ASTN2: variants seen among roughly 807,000 people sequenced by gnomAD.
ASTN2 encodes astrotactin 2, also known as astrotactin-2.
ASTN2 carries 54 observed loss-of-function variants against 139.8 expected under a neutral mutation model. The ratio of observed to expected loss-of-function variants is 0.39; its 90% CI spans 0.31 to 0.48. The LOEUF (loss-of-function observed/expected upper bound fraction) is 0.48. ASTN2 is among the 20% of genes least tolerant of loss of function. The probability of loss-of-function intolerance (pLI) is 0.95; values close to 1 mark genes in which losing one functional copy is unlikely to be tolerated. For synonymous variants in ASTN2, 756 were observed against 719.5 expected, an observed-to-expected ratio of 1.05 and a Z score of -0.81; for missense variants, 1,565 against 1,725.1, an observed-to-expected ratio of 0.91 and a Z score of 1.64.
intron 3 of ASTN2, among the ~76,000 whole-genome samples, chr9:117,162,069 A>G (rs537905863): frequency 2.4e-4 from 36 of 152,184 alleles, no homozygotes; most frequent in Admixed American, 1.4e-3. Context: ...AGTGACACAT[A>G]TCAGAAATCA....
intron 2 of ASTN2, among the ~76,000 whole-genome samples, chr9:117,229,309 C>T (rs1832815903): frequency 6.6e-6 from 1 of 152,172 alleles, no homozygotes; most frequent in Non-Finnish European, 1.5e-5. Context: ...TGAGATCTTG[C>T]TGTCACACAC....
chr9:116,678,077 A>G (rs564969490), intron 16 of ASTN2, among the ~76,000 whole-genome samples: 120 of 152,348 alleles, frequency 7.9e-4, no homozygotes, highest in African/African-American at 2.8e-3. Flanking sequence ...TGACTTCAGT[A>G]ATCTTTTGGA....
intron 1 of ASTN2, among the ~76,000 whole-genome samples, chr9:117,302,164 T>TTTACTTGTAAACAGTTTCCAAGACCC (rs1457074555): frequency 4.6e-5 from 7 of 152,096 alleles, no homozygotes; most frequent in Non-Finnish European, 8.8e-5. Flanking sequence ...AACTTCCTAC[T>TTTACTTGTAAACAGTTTCCAAGACCC]TTACTTGTAA....
In ASTN2 at chr9:116,810,303, T is replaced by A. The variant is rs138510299; in HGVS notation, c.2208-4483A>T. On this transcript the variant is annotated intron_variant, in intron 12 of 22. Coordinates refer to ENST00000313400, the MANE Select transcript of ASTN2 (RefSeq NM_001365068.1). ...GTCTTTTGGAGGTTATTCATGGGCA[T>A]TTATGAAAGGCACTATGCTGTAGAG... Among the ~76,000 whole-genome samples the A allele has an allele frequency of 3.9e-4, 59 of 152,350 alleles. No individual in the cohort carries two copies. The East Asian group carries it at 9.8e-3, about 25-fold the overall frequency.
intron 4 of ASTN2, among the ~76,000 whole-genome samples, chr9:117,102,584 A>G (rs547603320): frequency 6.6e-6 from 1 of 152,260 alleles, no homozygotes; most frequent in South Asian, 2.1e-4. Context: ...GTACAGTGGC[A>G]TGATCTCAGC....
intron 3 of ASTN2, among the ~76,000 whole-genome samples, chr9:117,160,759 A>C (rs1056487515): frequency 5.9e-5 from 9 of 151,986 alleles, no homozygotes; most frequent in Admixed American, 5.9e-4. Context: ...CCAGCTTATA[A>C]ATATCCTGTA....
At chr9:116,847,594 C>T (rs1832478620) in intron 11 of ASTN2, among the ~76,000 whole-genome samples, 1 of 152,176 alleles carries the variant, frequency 6.6e-6, no homozygotes, top group East Asian at 1.9e-4. Flanking sequence ...TTATCATGTG[C>T]CAGGCACTGT....
In ASTN2 at chr9:116,466,832, G is replaced by A. The variant is rs1022092405; in HGVS notation, c.3497+20527C>T. 6.3e-4 allele frequency among the ~76,000 whole-genome samples: 96 copies of A among 152,194 alleles called. 1 individual carries two copies. Among genetic ancestry groups the A allele is most frequent in the African/African-American group, 2.2e-3 (90 of 41,518 alleles). On this transcript the variant is annotated intron_variant, in intron 20 of 22. Coordinates refer to ENST00000313400, the MANE Select transcript of ASTN2 (RefSeq NM_001365068.1). ...TTCTCCATAACCCATGATTTGTGGGGCTTCTGTTTTCTCATCTGTAGAATG... is the reference window on the plus strand; with the variant it reads ...TTCTCCATAACCCATGATTTGTGGGACTTCTGTTTTCTCATCTGTAGAATG...
intron 10 of ASTN2, among the ~76,000 whole-genome samples, chr9:116,882,511 C>T (rs1239105434): frequency 6.6e-6 from 1 of 152,028 alleles, no homozygotes; most frequent in African/African-American, 2.4e-5. Context: ...GGGTCATGGA[C>T]TGAGAACAGT....
chr9:117,135,882 G>C (rs1829939529), intron 4 of ASTN2, among the ~76,000 whole-genome samples: 1 of 152,140 alleles, frequency 6.6e-6, no homozygotes. Context: ...CATACTGGGG[G>C]AAGGGAGAAA....
At chr9:116,806,131 T>A in intron 12 of ASTN2, among the ~76,000 whole-genome samples, 1 of 152,302 alleles carries the variant, frequency 6.6e-6, no homozygotes, top group South Asian at 2.1e-4. Context: ...AAGCATGACA[T>A]ACCAATTCAC....
intron 22 of ASTN2, 125 bp from the exon 23 acceptor site, chr9:116,426,213 G>C (rs904991130): frequency 1.6e-6 from 2 of 1,246,186 alleles, no homozygotes; most frequent in African/African-American, 1.5e-5. Context: ...CTCCAGATTG[G>C]AGTGTGGTAC....
intron 10 of ASTN2, among the ~76,000 whole-genome samples, chr9:116,905,712 A>T (rs1033781048): frequency 1.4e-4 from 21 of 152,220 alleles, no homozygotes; most frequent in African/African-American, 5.1e-4. Context: ...ATATACCTTC[A>T]TAACAACCTG....
chr9:116,786,629 G>GA (rs1310857236), intron 13 of ASTN2, among the ~76,000 whole-genome samples: 2 of 151,790 alleles, frequency 1.3e-5, no homozygotes, highest in Non-Finnish European at 2.9e-5. Context: ...GAAAAGGATA[G>GA]AAAAAAAACT....
chr9:116,602,419 G>A (rs1486633613), intron 19 of ASTN2, among the ~76,000 whole-genome samples: 1 of 152,108 alleles, frequency 6.6e-6, no homozygotes, highest in Non-Finnish European at 1.5e-5. Context: ...AGGATATAAG[G>A]AGAGAGATTA....
chr9:116,930,715 A>G (rs1452230889), intron 10 of ASTN2, among the ~76,000 whole-genome samples: 3 of 152,140 alleles, frequency 2.0e-5, no homozygotes, highest in Non-Finnish European at 4.4e-5. Flanking sequence ...GATTTGACTA[A>G]TAAATATTTA....
Position 116,975,358 on chromosome 9 carries a change from A to T in ASTN2, c.1752-13T>A, listed in dbSNP as rs1336545294. 3.1e-6 allele frequency: 5 copies of T among 1,591,178 alleles called. No individual in the cohort carries two copies. The highest frequency in any genetic ancestry group is 3.4e-6 in the Non-Finnish European group (4 of 1,169,608). On this transcript the variant is annotated splice_polypyrimidine_tract_variant and intron_variant, in intron 9 of 22. Coordinates refer to ENST00000313400, the MANE Select transcript of ASTN2 (RefSeq NM_001365068.1). The stretch of plus-strand genomic sequence containing the variant: ...GCTGAAAGTAGACCTGCAATGTAAG[A>T]GTTTCCATTGGGGAACTCCCTGGGA...
At chr9:117,250,193 C>T (rs1833499727) in intron 2 of ASTN2, among the ~76,000 whole-genome samples, 1 of 152,326 alleles carries the variant, frequency 6.6e-6, no homozygotes, top group African/African-American at 2.4e-5. Flanking sequence ...ACTGGCAGAA[C>T]CAGCAATGAA....
intron 4 of ASTN2, among the ~76,000 whole-genome samples, chr9:117,132,649 T>C (rs1030696610): frequency 6.6e-6 from 1 of 152,116 alleles, no homozygotes; most frequent in Non-Finnish European, 1.5e-5. Flanking sequence ...ATGGAGGCAG[T>C]TGTGTGCTCT....
Sources: allele counts gnomAD v4.1 joint callset (sites outside exome capture counted in the v4.1 genomes callset), GRCh38; gene constraint gnomAD v4.1.1; transcripts MANE v1.5; gene names NCBI Gene and HGNC (gene_info 2026-07-23, HGNC 2026-07-21).